Variants in CCNF observed in about 807,000 individuals in gnomAD.
CCNF encodes cyclin-F.
CCNF carries 30 observed loss-of-function variants against 85.4 expected under a neutral mutation model. That is an observed-to-expected ratio of 0.35 (90% CI 0.26 to 0.48). CCNF has a LOEUF of 0.48. Among genes scored for constraint, CCNF ranks in the 20% least tolerant of loss-of-function variants. The probability of loss-of-function intolerance (pLI) is 0.99; values close to 1 mark genes in which losing one functional copy is unlikely to be tolerated. For synonymous variants in CCNF, 439 were observed against 425.1 expected, an observed-to-expected ratio of 1.03 and a Z score of -0.40; for missense variants, 919 against 1,010.4, an observed-to-expected ratio of 0.91 and a Z score of 1.23.
rs189592797 is a variant in CCNF, at chr16:2,437,541, C to T, written c.540+219C>T. The T allele has an allele frequency of 4.5e-3, 2,218 of 489,476 alleles. 14 individuals are homozygous for T. Among genetic ancestry groups the T allele is most frequent in the Non-Finnish European group, 5.7e-3 (1,578 of 275,296 alleles). The allele number at this position is 489,476 out of a possible 1,614,324, so 30.3% of individuals were successfully genotyped here. A position where few individuals can be genotyped will look rare whatever the true frequency, so the allele number is the denominator to read the frequency against. Reference sequence around the variant, plus strand: ...GGTGGGCTGTGGAGTTCTGGGTACACGTGCTGACAGCTGGAAACATGGGGC... The same window carrying T: ...GGTGGGCTGTGGAGTTCTGGGTACATGTGCTGACAGCTGGAAACATGGGGC... On this transcript the variant is annotated intron_variant, in intron 5 of 16. Coordinates refer to ENST00000397066, the MANE Select transcript of CCNF (RefSeq NM_001761.3).
At position 2,443,686 on chromosome 16, in the gene CCNF, T is replaced by C. The variant is rs1360015444; in HGVS notation, c.815T>C (p.Leu272Pro). 1.2e-6 allele frequency: 2 copies of C among 1,614,036 alleles called. No individual in the cohort carries two copies. Among genetic ancestry groups the C allele is most frequent in the African/African-American group, 1.3e-5 (1 of 74,926 alleles). The change falls in exon 9 of 17, where the codon CTT becomes CCT. Residue 272 changes from leucine to proline, a missense_variant. Physicochemically the swap from Leu to Pro is moderately conservative, Grantham distance 98. This residue lies in a region of CCNF where 410 missense variants were observed against 478.6 expected (regional missense o/e 0.86). Transcript: ENST00000397066. Reference sequence around the variant, plus strand: ...AAAGCCTGTGCAAATGCAAACCAGCTTGGACTGGAGGTGAGAGCTTCCAGT... The same window carrying C: ...AAAGCCTGTGCAAATGCAAACCAGCCTGGACTGGAGGTGAGAGCTTCCAGT... The part of the protein sequence containing the change: ...LAKACANANQ[L>P]GLEVRASSEI...
intron 4 of CCNF, chr16:2,436,357 G>C (rs1395140252): frequency 6.5e-6 from 1 of 153,238 alleles, no homozygotes; most frequent in African/African-American, 2.4e-5. Context: ...GAGGCCAGGT[G>C]CTCCTTGAAA....
At chr16:2,433,560 TTTG>T (rs959842123) in intron 3 of CCNF, among the ~76,000 whole-genome samples, 4 of 152,076 alleles carry the variant, frequency 2.6e-5, no homozygotes, top group Non-Finnish European at 2.9e-5. Context: ...ATTTTTCTTT[TTTG>T]TTGTTGTTTT....
At chr16:2,440,417 G>A (rs903976848) in intron 8 of CCNF, among the ~76,000 whole-genome samples, 3 of 152,068 alleles carry the variant, frequency 2.0e-5, no homozygotes, top group Non-Finnish European at 4.4e-5. Context: ...TCAGGAGTTC[G>A]AGACCAGCCT....
In CCNF at chr16:2,429,464, A is replaced by G. The variant is rs548818168; in HGVS notation, c.-18A>G. The G allele has an allele frequency of 1.5e-5, 18 of 1,224,618 alleles. No homozygotes were observed. Among genetic ancestry groups the G allele is most frequent in the East Asian group, 3.2e-5 (1 of 30,838 alleles). 75.9% of individuals were successfully genotyped at this position (1,224,618 alleles called of 1,614,324 possible). A position where few individuals can be genotyped will look rare whatever the true frequency, so the allele number is the denominator to read the frequency against. ...GCGCTCTCAGGCGGGCTCCGGCGGC[A>G]GCGACGCGAGCGCGGCGATGGGGAG... On this transcript the variant is annotated 5_prime_UTR_variant, in exon 1 of 17. Coordinates refer to ENST00000397066, the MANE Select transcript of CCNF (RefSeq NM_001761.3).
Position 2,448,856 on chromosome 16 carries a change from T to C in CCNF, c.1096T>C (p.Phe366Leu). Reference sequence around the variant, plus strand: ...TGAGACCCCTTCTCGGCGTTGCAGGTTTATCAGTAAAGAGATCCTGACCAT... The same window carrying C: ...TGAGACCCCTTCTCGGCGTTGCAGGCTTATCAGTAAAGAGATCCTGACCAT... ...GIACMVICTRFISKEILTIRE... is the reference protein window; with the variant it reads ...GIACMVICTRLISKEILTIRE... Residue 366 changes from phenylalanine to leucine, a missense_variant and splice_region_variant, in exon 11 of 17, where the codon TTT becomes CTT. This residue lies in a region of CCNF where 410 missense variants were observed against 478.6 expected (regional missense o/e 0.86). Transcript: ENST00000397066. The C allele has an allele frequency of 6.2e-7, 1 of 1,612,174 alleles. No homozygotes were observed. Among genetic ancestry groups the C allele is most frequent in the Middle Eastern group, 1.7e-4 (1 of 6,056 alleles).
intron 16 of CCNF, 36 bp downstream of exon 16, chr16:2,455,600 C>A: frequency 6.4e-7 from 1 of 1,568,334 alleles, no homozygotes; most frequent in African/African-American, 1.3e-5. Context: ...GAAGGGACAT[C>A]ACACAGAGGG....
In CCNF at chr16:2,458,689, T is replaced by A. The variant is rs1364239851; in HGVS notation, c.*1669T>A. The A allele has an allele frequency of 3.9e-5, 6 of 152,180 alleles. No individual in the cohort carries two copies. 9.4% of individuals were successfully genotyped at this position (152,180 alleles called of 1,614,324 possible). A position where few individuals can be genotyped will look rare whatever the true frequency, so the allele number is the denominator to read the frequency against. Reference sequence around the variant, plus strand: ...ATAAGGGAATTCTGGCCACCCTGGGTGGGGTGTGGTCGGGGTGAGAACCCA... The same window carrying A: ...ATAAGGGAATTCTGGCCACCCTGGGAGGGGTGTGGTCGGGGTGAGAACCCA... On this transcript the variant is annotated 3_prime_UTR_variant, in exon 17 of 17. Coordinates refer to ENST00000397066, the MANE Select transcript of CCNF (RefSeq NM_001761.3).
rs1332960905 is a variant in CCNF, at chr16:2,456,933, C to T, written c.2274C>T (p.Ser758=). ...LQCRPPSPPE[S]SVPQQQVKRI... ...GTCGTCCCCCAAGTCCCCCGGAGAG[C>T]AGTGTTCCCCAGCAACAGGTGAAGC... The change falls in exon 17 of 17, where the codon AGC becomes AGT. Residue 758 remains serine (S), a synonymous_variant. Coordinates refer to ENST00000397066, the MANE Select transcript of CCNF (RefSeq NM_001761.3). The surrounding 1 kb of genome is among the most constrained non-coding windows in gnomAD (Gnocchi z 4.5). 1 of 1,614,024 alleles carries T rather than the reference C, an allele frequency of 6.2e-7. No individual in the cohort carries two copies. The highest frequency in any genetic ancestry group is 8.5e-7 in the Non-Finnish European group (1 of 1,179,968).
At chr16:2,437,979 T>C (rs1021858316) in intron 5 of CCNF, 91 bp from the exon 6 acceptor site, 1 of 839,764 alleles carries the variant, frequency 1.2e-6, no homozygotes, top group Non-Finnish European at 2.1e-6. Flanking sequence ...AGCAGGGCCA[T>C]GGGCATGGGA....
At chr16:2,447,403 T>C (rs528483350) in intron 10 of CCNF, among the ~76,000 whole-genome samples, 1 of 151,754 alleles carries the variant, frequency 6.6e-6, no homozygotes, top group African/African-American at 2.4e-5. Flanking sequence ...GCCAACATGG[T>C]GAAACCCTGT....
intron 10 of CCNF, 77 bp downstream of exon 10, chr16:2,445,699 C>A: frequency 7.7e-7 from 1 of 1,307,060 alleles, no homozygotes; most frequent in Non-Finnish European, 1.0e-6. Flanking sequence ...CCTTCATGTG[C>A]TCCTCACTGG....
rs968739422 is a variant in CCNF at position 2,455,285 on chromosome 16, G to A, written c.1716-110G>A. ...CTTCTTCGTAGCAGAACCTTTGGGA[G>A]CACGTGGTGACAGGCTGGGGCACGC... On this transcript the variant is annotated intron_variant, in intron 15 of 16. Coordinates refer to ENST00000397066, the MANE Select transcript of CCNF (RefSeq NM_001761.3). The A allele has an allele frequency of 3.0e-6, 4 of 1,334,652 alleles. No homozygotes were observed. In the African/African-American group the frequency reaches 4.4e-5, roughly 15 times the overall value. The allele number at this position is 1,334,652 out of a possible 1,614,324, so 82.7% of individuals were successfully genotyped here.
At position 2,456,588 on chromosome 16, in the gene CCNF, G is replaced by T; in HGVS notation, c.1929G>T (p.Leu643=). The T allele has an allele frequency of 6.3e-7, 1 of 1,582,886 alleles. No individual in the cohort carries two copies. The highest frequency in any genetic ancestry group is 1.7e-4 in the Middle Eastern group (1 of 5,900). ...TCCTCGATGTCACCGTGGTCTACCT[G>T]AACCCAGAACAGCATTGCTGCCAGG... ...SGILDVTVVY[L]NPEQHCCQES... Residue 643 remains leucine (L), a synonymous_variant, in exon 17 of 17, where the codon CTG becomes CTT. Transcript: ENST00000397066. The surrounding 1 kb of genome is among the most constrained non-coding windows in gnomAD (Gnocchi z 4.5).
Position 2,453,035 on chromosome 16 carries a change from C to G in CCNF, c.1488-175C>G, listed in dbSNP as rs780045668. On this transcript the variant is annotated intron_variant, in intron 13 of 16. Coordinates refer to ENST00000397066, the MANE Select transcript of CCNF (RefSeq NM_001761.3). The surrounding 1 kb of genome is among the most constrained non-coding windows in gnomAD (Gnocchi z 5.6). ...TTTTTCCTTTTTCCTGGGTCTTTAC[C>G]TAGAGAGGAATTGCTAGGTCCTGTG... is the stretch of plus-strand genomic sequence containing the variant. 221 of 622,274 alleles carry G rather than the reference C, an allele frequency of 3.6e-4. 2 individuals carry two copies. The highest frequency in any genetic ancestry group is 1.2e-3 in the South Asian group (65 of 52,358). The allele number at this position is 622,274 out of a possible 1,614,324, so 38.5% of individuals were successfully genotyped here. A position where few individuals can be genotyped will look rare whatever the true frequency, so the allele number is the denominator to read the frequency against.
intron 8 of CCNF, among the ~76,000 whole-genome samples, chr16:2,442,143 C>G (rs569794958): frequency 6.9e-6 from 1 of 144,182 alleles, no homozygotes; most frequent in Non-Finnish European, 1.5e-5. Context: ...GTAGCTGGGA[C>G]TACAGGCATT....
intron 10 of CCNF, 59 bp from the exon 11 acceptor site, chr16:2,448,796 C>A: frequency 6.4e-7 from 1 of 1,560,002 alleles, no homozygotes; most frequent in Non-Finnish European, 8.8e-7. Context: ...TGGGTCCCTC[C>A]GCCCCACCCC....
intron 3 of CCNF, among the ~76,000 whole-genome samples, chr16:2,434,831 G>C (rs544701042): frequency 7.9e-5 from 12 of 152,266 alleles, no homozygotes; most frequent in Admixed American, 2.0e-4. Flanking sequence ...TTTGCCTTTT[G>C]TGAGGATTTC....
At chr16:2,437,771 T>G in intron 5 of CCNF, 1 of 391,560 alleles carries the variant, frequency 2.6e-6, no homozygotes, top group African/African-American at 2.0e-5. Context: ...TGGTGGTGCA[T>G]ACCTATAGTC....
Sources: gnomAD v4.1 joint callset for allele counts (sites outside exome capture counted in the v4.1 genomes callset) on GRCh38, gnomAD v4.1.1 for gene constraint, gnomAD v4.1.1 regional missense constraint, Gnocchi (gnomAD v3.1) non-coding constraint, MANE v1.5 for transcripts, NCBI Gene and HGNC (gene_info 2026-07-23, HGNC 2026-07-21) for gene names.